The following ABHD16A variants were observed in gnomAD, a reference collection of about 807,000 sequenced individuals.
ABHD16A encodes the protein abhydrolase domain containing 16A, phospholipase.
ABHD16A carries 47 observed loss-of-function variants against 89.8 expected under a neutral mutation model. That is an observed-to-expected ratio of 0.52 (90% CI 0.41 to 0.67). The LOEUF is 0.67. Among genes scored for constraint, ABHD16A ranks in the 30% least tolerant of loss-of-function variants. ABHD16A has a pLI of 0.00. For missense variants in ABHD16A, 580 were observed against 734.6 expected (o/e 0.79, Z 2.43); for synonymous variants, 251 against 280.4 (o/e 0.90, Z 1.05).
chr6:31,689,213 C>A, intron 12 of ABHD16A, 94 bp from the exon 13 acceptor site: 1 of 1,106,620 alleles, frequency 9.0e-7, no homozygotes, highest in East Asian at 2.5e-5. Flanking sequence ...ATAGGCCAAC[C>A]CCATTCCCCC....
chr6:31,701,680 C>G (rs984685), intron 2 of ABHD16A, among the ~76,000 whole-genome samples: 3 of 152,280 alleles, frequency 2.0e-5, no homozygotes, highest in African/African-American at 7.2e-5. Flanking sequence ...CTGCTCAGGA[C>G]AGCCCCTGGC....
intron 7 of ABHD16A, chr6:31,692,750 C>G (rs1804012484): frequency 3.5e-6 from 1 of 285,856 alleles, no homozygotes; most frequent in African/African-American, 2.2e-5. Context: ...TCCCCACCCC[C>G]ACCCCACCCC....
chr6:31,687,876 C>G lies in ABHD16A; in HGVS notation c.1395G>C (p.Glu465Asp). The G allele has an allele frequency of 1.2e-6, 2 of 1,612,978 alleles. No individual in the cohort carries two copies. The highest frequency in any genetic ancestry group is 1.1e-5 in the South Asian group (1 of 91,080). ...ACCACTGCCTCACCACTCGAAGACCCTCCTCTGCCATCACCCGGGGATACC... is the reference window on the plus strand; with the variant it reads ...ACCACTGCCTCACCACTCGAAGACCGTCCTCTGCCATCACCCGGGGATACC... ...QHRYPRVMAE[E>D]GLRVVRQWLE... The change falls in exon 17 of 20, where the codon GAG becomes GAC. Residue 465 changes from glutamate (E) to aspartate (D), a missense_variant. Coordinates refer to ENST00000395952, the MANE Select transcript of ABHD16A (RefSeq NM_021160.3). This position sits in a 1 kb window ranked among gnomAD's most constrained non-coding sequence, Gnocchi z 6.3.
Position 31,690,625 on chromosome 6 carries a change from G to C in ABHD16A, c.844-23C>G, listed in dbSNP as rs1378391093. 2 of 1,611,876 alleles carry C rather than the reference G, an allele frequency of 1.2e-6. No individual in the cohort carries two copies. The highest frequency in any genetic ancestry group is 1.7e-6 in the Non-Finnish European group (2 of 1,179,218). Reference sequence around the variant, plus strand: ...CACCTAGGAAGGAGGCAGGAAGGAAGGGCTGGGGGGCCAAGTTGGGACTGA... The same window carrying C: ...CACCTAGGAAGGAGGCAGGAAGGAACGGCTGGGGGGCCAAGTTGGGACTGA... On this transcript the variant is annotated intron_variant, in intron 9 of 19. Transcript: ENST00000395952. This position sits in a 1 kb window ranked among gnomAD's most constrained non-coding sequence, Gnocchi z 4.1.
Position 31,687,369 on chromosome 6 carries a change from C to T in ABHD16A, c.1594-74G>A. ...GGCAGCCACTGGACTCCCTCCCCAC[C>T]CTCCACTTCCGCATCCACCACCCAC... is the stretch of plus-strand genomic sequence containing the variant. On this transcript the variant is annotated intron_variant, in intron 19 of 19. Coordinates refer to ENST00000395952, the MANE Select transcript of ABHD16A (RefSeq NM_021160.3). The surrounding 1 kb of genome is among the most constrained non-coding windows in gnomAD (Gnocchi z 6.3). 1 of 1,594,178 alleles carries T rather than the reference C, an allele frequency of 6.3e-7. No individual in the cohort carries two copies. Among genetic ancestry groups the T allele is most frequent in the Non-Finnish European group, 8.6e-7 (1 of 1,163,532 alleles).
chr6:31,692,242 T>C (rs901496753), intron 7 of ABHD16A: 2 of 272,860 alleles, frequency 7.3e-6, no homozygotes, highest in Non-Finnish European at 6.9e-6. Context: ...ATTATGATTC[T>C]GTTAAAATAT....
At chr6:31,689,415 G>A (rs576509195) in intron 12 of ABHD16A, among the ~76,000 whole-genome samples, 166 bp downstream of exon 12, 4 of 152,150 alleles carry the variant, frequency 2.6e-5, no homozygotes, top group Non-Finnish European at 5.9e-5. Context: ...GGAAGGAAAG[G>A]TGAAGTGTAT....
chr6:31,690,672 G>A lies in ABHD16A; in HGVS notation c.844-70C>T, dbSNP rs1583678063. On this transcript the variant is annotated intron_variant, in intron 9 of 19. Transcript: ENST00000395952. This position sits in a 1 kb window ranked among gnomAD's most constrained non-coding sequence, Gnocchi z 4.1. Reference sequence around the variant, plus strand: ...CTGAAAAACTCCCTTTGGGCAGGGAGGGCAGCCCATGAAGAGCTTTGCAGG... The same window carrying A: ...CTGAAAAACTCCCTTTGGGCAGGGAAGGCAGCCCATGAAGAGCTTTGCAGG... The A allele has an allele frequency of 7.0e-7, 1 of 1,423,002 alleles. No individual in the cohort carries two copies. Among genetic ancestry groups the A allele is most frequent in the Non-Finnish European group, 9.9e-7 (1 of 1,008,196 alleles). 88.1% of individuals were successfully genotyped at this position (1,423,002 alleles called of 1,614,324 possible). A position where few individuals can be genotyped will look rare whatever the true frequency, so the allele number is the denominator to read the frequency against.
Position 31,689,134 on chromosome 6 carries a change from G to A in ABHD16A, c.1082-15C>T, listed in dbSNP as rs759644353. ...TGCCCACGTGGCTGGTACCAGGGCA[G>A]GGAAGAAGAGTAAGAACTGAGAAAG... is the stretch of plus-strand genomic sequence containing the variant. On this transcript the variant is annotated splice_polypyrimidine_tract_variant and intron_variant, in intron 12 of 19. Coordinates refer to ENST00000395952, the MANE Select transcript of ABHD16A (RefSeq NM_021160.3). 1 of 1,609,212 alleles carries A rather than the reference G, an allele frequency of 6.2e-7. No individual in the cohort carries two copies. Among genetic ancestry groups the A allele is most frequent in the South Asian group, 1.1e-5 (1 of 90,552 alleles).
intron 4 of ABHD16A, among the ~76,000 whole-genome samples, chr6:31,699,643 G>C (rs1357539941): frequency 6.6e-6 from 1 of 151,994 alleles, no homozygotes; most frequent in Non-Finnish European, 1.5e-5. Flanking sequence ...TGCTATCTTG[G>C]CTCACTGCAA....
rs373253921 is a variant in ABHD16A at position 31,690,576 on chromosome 6, C to T, written c.870G>A (p.Gly290=). 17 of 1,612,990 alleles carry T rather than the reference C, an allele frequency of 1.1e-5. No individual in the cohort carries two copies. The South Asian group carries it at 1.9e-4, about 18-fold the overall frequency. ...TGGAGACGCAGCCCACCTCATAAAA[C>T]CCAGCATTCCCCTCACAGCAGATCA... The part of the protein sequence containing the change: ...KLVICCEGNA[G]FYEVGCVSTP... Residue 290 remains glycine, a synonymous_variant, in exon 10 of 20, where the codon GGG becomes GGA. Transcript: ENST00000395952. This position sits in a 1 kb window ranked among gnomAD's most constrained non-coding sequence, Gnocchi z 4.1.
chr6:31,688,899 TG>T lies in ABHD16A; in HGVS notation c.1187-114del. On this transcript the variant is annotated intron_variant, in intron 13 of 19. Transcript: ENST00000395952. The surrounding 1 kb of genome is among the most constrained non-coding windows in gnomAD (Gnocchi z 4.9). ...AGGCCCCCAGACAAAGGAGTCCTCC[TG>T]CTTCCAACAATGGGGCGACTTACTC... is the stretch of plus-strand genomic sequence containing the variant. 7.0e-7 allele frequency: 1 copy of T among 1,421,148 alleles called. No individual in the cohort carries two copies. Among genetic ancestry groups the T allele is most frequent in the South Asian group, 1.2e-5 (1 of 81,792 alleles). 88.0% of individuals were successfully genotyped at this position (1,421,148 alleles called of 1,614,324 possible). A position where few individuals can be genotyped will look rare whatever the true frequency, so the allele number is the denominator to read the frequency against.
chr6:31,700,886 T>C, intron 4 of ABHD16A, 56 bp downstream of exon 4: 1 of 1,481,470 alleles, frequency 6.8e-7, no homozygotes, highest in Non-Finnish European at 9.4e-7. Context: ...AGGTACTTAA[T>C]TTTTAACCAG....
In ABHD16A at chr6:31,693,276, G is replaced by T; in HGVS notation, c.503+83C>A. ...GGAAGGCAGGCACTGTGACCTGAGAGGGCATGGAGGTGGGAGGGCAGAGCA... is the reference window on the plus strand; with the variant it reads ...GGAAGGCAGGCACTGTGACCTGAGATGGCATGGAGGTGGGAGGGCAGAGCA... On this transcript the variant is annotated intron_variant, in intron 6 of 19. Transcript: ENST00000395952. This position sits in a 1 kb window ranked among gnomAD's most constrained non-coding sequence, Gnocchi z 5.0. 1 of 1,591,658 alleles carries T rather than the reference G, an allele frequency of 6.3e-7. No homozygotes were observed. The highest frequency in any genetic ancestry group is 8.6e-7 in the Non-Finnish European group (1 of 1,162,736).
rs746661697 is a variant in ABHD16A at position 31,693,034 on chromosome 6, T to A, written c.619A>T (p.Ile207Phe). 6.2e-7 allele frequency: 1 copy of A among 1,614,148 alleles called. No individual in the cohort carries two copies. The highest frequency in any genetic ancestry group is 8.5e-7 in the Non-Finnish European group (1 of 1,180,018). ...LNRVKKLPCQ[I>F]TSYLVAHTLG... is the part of the protein sequence containing the mutation. ...CTCGCTGCTGTTTCCCACCTGGTGA[T>A]CTGACAAGGCAGCTTCTTAACCCGG... Residue 207 changes from isoleucine to phenylalanine, a missense_variant, in exon 7 of 20, where the codon ATC (isoleucine) becomes TTC (phenylalanine). Ile to Phe is a conservative substitution (Grantham distance 21, BLOSUM62 0). Coordinates refer to ENST00000395952, the MANE Select transcript of ABHD16A (RefSeq NM_021160.3). This position sits in a 1 kb window ranked among gnomAD's most constrained non-coding sequence, Gnocchi z 5.0.
chr6:31,695,637 C>A lies in ABHD16A; in HGVS notation c.429+1311G>T, dbSNP rs542918078. 7.3e-5 allele frequency among the ~76,000 whole-genome samples: 11 copies of A among 151,634 alleles called. No homozygotes were observed. In the South Asian group the frequency reaches 1.5e-3, roughly 20 times the overall value. On this transcript the variant is annotated intron_variant, in intron 5 of 19. Coordinates refer to ENST00000395952, the MANE Select transcript of ABHD16A (RefSeq NM_021160.3). ...ACTTGGGAGGCTGAGGCAGGAGAAT[C>A]GCTTGAACCCAGGAGGCGGAGGTTG...
intron 11 of ABHD16A, 27 bp from the exon 12 acceptor site, chr6:31,689,731 G>A (rs1401291531): frequency 5.0e-6 from 8 of 1,597,086 alleles, no homozygotes; most frequent in Non-Finnish European, 6.8e-6. Flanking sequence ...AAAGTCAGGA[G>A]TGTGTCAGCA....
chr6:31,690,030 A>G lies in ABHD16A; in HGVS notation c.957+48T>C. 1 of 1,536,588 alleles carries G rather than the reference A, an allele frequency of 6.5e-7. No homozygotes were observed. Among genetic ancestry groups the G allele is most frequent in the Non-Finnish European group, 8.8e-7 (1 of 1,139,754 alleles). ...CTCCCTCCAATGGCTGACCAGAGGGAAACAGACATAATTCAGGAAAAGGAA... is the reference window on the plus strand; with the variant it reads ...CTCCCTCCAATGGCTGACCAGAGGGGAACAGACATAATTCAGGAAAAGGAA... On this transcript the variant is annotated intron_variant, in intron 11 of 19. Transcript: ENST00000395952. This position sits in a 1 kb window ranked among gnomAD's most constrained non-coding sequence, Gnocchi z 4.1.
Position 31,690,709 on chromosome 6 carries a change from G to A in ABHD16A, c.844-107C>T, listed in dbSNP as rs1243886236. The A allele has an allele frequency of 2.0e-6, 2 of 996,210 alleles. No individual in the cohort carries two copies. Among genetic ancestry groups the A allele is most frequent in the Non-Finnish European group, 3.2e-6 (2 of 633,140 alleles). The allele number at this position is 996,210 out of a possible 1,614,324, so 61.7% of individuals were successfully genotyped here. The stretch of plus-strand genomic sequence containing the variant: ...AAGAGCTTTGCAGGGAAGAGGAAAG[G>A]GCAGGTTTCTGTTTTCTCCAAGGGG... On this transcript the variant is annotated intron_variant, in intron 9 of 19. Coordinates refer to ENST00000395952, the MANE Select transcript of ABHD16A (RefSeq NM_021160.3). This position sits in a 1 kb window ranked among gnomAD's most constrained non-coding sequence, Gnocchi z 4.1.
Sources: gnomAD v4.1 joint callset for allele counts (sites outside exome capture counted in the v4.1 genomes callset) on GRCh38, gnomAD v4.1.1 for gene constraint, Gnocchi (gnomAD v3.1) non-coding constraint, MANE v1.5 for transcripts, NCBI Gene and HGNC (gene_info 2026-07-23, HGNC 2026-07-21) for gene names.